Variants in RIPK1 observed in about 807,000 individuals in gnomAD.
The protein encoded by RIPK1 is receptor-interacting serine/threonine-protein kinase 1.
RIPK1 carries 27 observed loss-of-function variants against 62.4 expected under a neutral mutation model. That is an observed-to-expected ratio of 0.43 (90% confidence interval 0.32 to 0.60). The LOEUF is 0.60. RIPK1 is among the 20% of genes least tolerant of loss of function. RIPK1 has a pLI of 0.07. For missense variants in RIPK1, 735 were observed against 831.0 expected (o/e 0.88, Z 1.42); for synonymous variants, 287 against 303.2 (o/e 0.95, Z 0.55).
chr6:3,112,028 T>G (rs187776534), intron 10 of RIPK1, among the ~76,000 whole-genome samples: 20 of 152,340 alleles, frequency 1.3e-4, no homozygotes, highest in East Asian at 9.6e-4. Flanking sequence ...TTGTTGTGGT[T>G]GTTGTACATT....
intron 3 of RIPK1, among the ~76,000 whole-genome samples, chr6:3,079,118 C>T (rs374649871): frequency 5.9e-5 from 9 of 151,424 alleles, no homozygotes; most frequent in African/African-American, 1.2e-4. Context: ...CTCGCTCTGT[C>T]GCCCAGGCTG....
intron 1 of RIPK1, 31 bp downstream of exon 1, chr6:3,068,692 T>G: frequency 1.0e-6 from 1 of 983,930 alleles, no homozygotes. Context: ...CGGGGAACAT[T>G]CCGGAGGCCG....
At chr6:3,104,355 T>A in intron 8 of RIPK1, 40 bp downstream of exon 8, 1 of 1,102,488 alleles carries the variant, frequency 9.1e-7, no homozygotes, top group South Asian at 1.3e-5. Flanking sequence ...ATTTATTTGT[T>A]TGGTTACTCA....
At chr6:3,076,724 A>G (rs886303749) in intron 1 of RIPK1, 40 bp from the exon 2 acceptor site, 11 of 622,616 alleles carry the variant, frequency 1.8e-5, no homozygotes, top group South Asian at 4.1e-5. Flanking sequence ...ATATATATAT[A>G]TAGTCTTGCC....
chr6:3,073,866 C>T (rs1353371088), intron 1 of RIPK1, among the ~76,000 whole-genome samples: 1 of 152,226 alleles, frequency 6.6e-6, no homozygotes, highest in Non-Finnish European at 1.5e-5. Context: ...AACACCAAGT[C>T]TGAAGGTTAC....
Position 3,076,950 on chromosome 6 carries a change from A to T in RIPK1, c.127A>T (p.Ile43Phe), listed in dbSNP as rs184897325. The change falls in exon 2 of 11, where the codon ATC becomes TTC. Residue 43 changes from isoleucine (I) to phenylalanine (F), a missense_variant. Ile to Phe is a conservative substitution (Grantham distance 21, BLOSUM62 0). This residue lies in a region of RIPK1 where 671 missense variants were observed against 726.2 expected (regional missense o/e 0.92). Transcript: ENST00000259808. Reference sequence around the variant, plus strand: ...TTTCCACAGAACCCAGGGACTCATGATCATGAAAACAGTGTACAAGGGGCC... The same window carrying T: ...TTTCCACAGAACCCAGGGACTCATGTTCATGAAAACAGTGTACAAGGGGCC... ...LCFHRTQGLM[I>F]MKTVYKGPNC... 147 of 1,611,694 alleles carry T rather than the reference A, an allele frequency of 9.1e-5. 1 individual carries two copies. In the Middle Eastern group the frequency reaches 2.8e-3, roughly 31 times the overall value.
intron 7 of RIPK1, among the ~76,000 whole-genome samples, chr6:3,095,928 T>C (rs1004950847): frequency 2.0e-5 from 3 of 151,934 alleles, no homozygotes; most frequent in Non-Finnish European, 2.9e-5. Context: ...TACTGTATCC[T>C]TGACCTCCCA....
At chr6:3,090,058 G>A (rs1385579860) in intron 7 of RIPK1, among the ~76,000 whole-genome samples, 2 of 152,196 alleles carry the variant, frequency 1.3e-5, no homozygotes, top group East Asian at 3.8e-4. Flanking sequence ...GGGCAGTCTT[G>A]GGTCAGTGTG....
intron 7 of RIPK1, among the ~76,000 whole-genome samples, chr6:3,090,021 C>T (rs1446690742): frequency 2.0e-5 from 3 of 152,222 alleles, no homozygotes; most frequent in Non-Finnish European, 4.4e-5. Context: ...TAGCCCAAGA[C>T]ATAATGCTGA....
intron 7 of RIPK1, among the ~76,000 whole-genome samples, chr6:3,102,289 A>G (rs1264992926): frequency 6.6e-6 from 1 of 152,208 alleles, no homozygotes; most frequent in Non-Finnish European, 1.5e-5. Flanking sequence ...ATAGTTCAGT[A>G]TCCTCAAACT....
chr6:3,072,496 G>A lies in RIPK1; in HGVS notation c.-61+3835G>A, dbSNP rs188707912. 6.2e-4 allele frequency among the ~76,000 whole-genome samples: 94 copies of A among 152,144 alleles called. No homozygotes were observed. The highest frequency in any genetic ancestry group is 1.0e-3 in the Non-Finnish European group (68 of 68,004). ...TATAATATTCTGTTAGGAGTGTGCC[G>A]TAATTCATTTAACAATATTTTTATT... On this transcript the variant is annotated intron_variant, in intron 1 of 10. Transcript: ENST00000259808. The surrounding 1 kb of genome is among the most constrained non-coding windows in gnomAD (Gnocchi z 5.6).
At chr6:3,090,777 A>G (rs185646371) in intron 7 of RIPK1, among the ~76,000 whole-genome samples, 1,713 of 146,148 alleles carry the variant, frequency 0.012, 55 homozygotes, top group African/African-American at 0.03. Flanking sequence ...TACCTGCCGC[A>G]CCTAGTAACC....
Position 3,110,873 on chromosome 6 carries a change from T to G in RIPK1, c.1647T>G (p.Ile549Met). ...TTGGAGCCTACAATTATATGGAGAT[T>G]GGTGGGACGAGTTCATCACTACTAG... is the stretch of plus-strand genomic sequence containing the variant. ...IQIGAYNYME[I>M]GGTSSSLLDS... Residue 549 changes from isoleucine to methionine, a missense_variant, in exon 10 of 11, where the codon ATT becomes ATG. By Grantham distance (10) the Ile-to-Met change is conservative. Transcript: ENST00000259808. 1 of 1,607,734 alleles carries G rather than the reference T, an allele frequency of 6.2e-7. No homozygotes were observed. Among genetic ancestry groups the G allele is most frequent in the Admixed American group, 1.7e-5 (1 of 60,004 alleles).
At chr6:3,078,552 A>G (rs1254260907) in intron 3 of RIPK1, among the ~76,000 whole-genome samples, 1 of 152,212 alleles carries the variant, frequency 6.6e-6, no homozygotes, top group Admixed American at 6.5e-5. Context: ...CATGATGCAG[A>G]CATCATCTGA....
intron 6 of RIPK1, 148 bp downstream of exon 6, chr6:3,085,556 T>G: frequency 1.2e-6 from 1 of 818,594 alleles, no homozygotes; most frequent in Non-Finnish European, 1.9e-6. Context: ...TTCAAACATG[T>G]TATTCAGTGC....
chr6:3,065,111 G>A (rs2050149), upstream of RIPK1, among the ~76,000 whole-genome samples: 1 of 151,886 alleles, frequency 6.6e-6, no homozygotes, highest in African/African-American at 2.4e-5. Context: ...CAAAAAAATA[G>A]CCGGGCGTGG....
intron 10 of RIPK1, among the ~76,000 whole-genome samples, chr6:3,112,116 G>A (rs1761190905): frequency 6.6e-6 from 1 of 152,134 alleles, no homozygotes; most frequent in South Asian, 2.1e-4. Context: ...ATGGCTATTG[G>A]AGAAGAGGCA....
chr6:3,108,529 G>T (rs760568269), intron 9 of RIPK1, among the ~76,000 whole-genome samples: 12 of 152,176 alleles, frequency 7.9e-5, no homozygotes, highest in Non-Finnish European at 1.2e-4. Flanking sequence ...TGTGAGTGAC[G>T]AACACGGTGT....
intron 1 of RIPK1, 67 bp from the exon 2 acceptor site, chr6:3,076,697 A>ACCATATATATATATATATAT: frequency 4.3e-6 from 1 of 235,144 alleles, no homozygotes; most frequent in East Asian, 1.8e-4. Context: ...GAAAAAAAAA[A>ACCATATATATATATATATAT]ACATATATAT....
Sources: allele counts gnomAD v4.1 joint callset (sites outside exome capture counted in the v4.1 genomes callset), GRCh38; gene constraint gnomAD v4.1.1; regional missense constraint gnomAD v4.1.1; non-coding constraint Gnocchi (gnomAD v3.1); transcripts MANE v1.5; gene names NCBI Gene and HGNC (gene_info 2026-07-23, HGNC 2026-07-21).